ATL2: variants seen among roughly 807,000 people sequenced by gnomAD.
The protein encoded by ATL2 is atlastin GTPase 2.
In ATL2, 31 loss-of-function variants were observed where a neutral mutation model predicts 73.9. The observed-to-expected ratio is 0.42, with a 90% CI of 0.32 to 0.57. ATL2 has a LOEUF of 0.57. ATL2 is among the 20% of genes least tolerant of loss of function. The pLI is 0.14. For synonymous variants in ATL2, 291 were observed against 237.5 expected (o/e 1.23, Z -2.07); for missense variants, 738 against 702.6 (o/e 1.05, Z -0.57).
In ATL2 at chr2:38,333,383, TAA is replaced by T. The variant is rs76025416; in HGVS notation, c.363+9883_363+9884del. 6.0e-5 allele frequency among the ~76,000 whole-genome samples: 9 copies of T among 151,184 alleles called. No homozygotes were observed. The East Asian group carries it at 1.7e-3, about 29-fold the overall frequency. ...GAAGGAGGTAGGGAGTTAATTACCT[TAA>T]AAAAAAAGTCTCCTCCAAAAACAGT... On this transcript the variant is annotated intron_variant, in intron 2 of 12. Coordinates refer to ENST00000378954, the MANE Select transcript of ATL2 (RefSeq NM_001135673.4).
At chr2:38,301,584 A>G (rs2148405489) in intron 9 of ATL2, among the ~76,000 whole-genome samples, 1 of 152,306 alleles carries the variant, frequency 6.6e-6, no homozygotes, top group South Asian at 2.1e-4. Context: ...GGAAGTCGAA[A>G]GCAGTGACTG....
In ATL2 at chr2:38,303,470, G is replaced by A; in HGVS notation, c.1072-3142C>T. Among the ~76,000 whole-genome samples the A allele has an allele frequency of 1.3e-5, 2 of 152,018 alleles. 1 individual carries two copies. Among genetic ancestry groups the A allele is most frequent in the South Asian group, 4.1e-4 (2 of 4,830 alleles). On this transcript the variant is annotated intron_variant, in intron 9 of 12. Transcript: ENST00000378954. ...GCCTCCCAAAGTGCTAGGATTACAG[G>A]CATGAGCCACCTCACCCAGCCTCAG...
At chr2:38,317,580 T>C (rs1668093109) in intron 4 of ATL2, among the ~76,000 whole-genome samples, 1 of 152,218 alleles carries the variant, frequency 6.6e-6, no homozygotes, top group Non-Finnish European at 1.5e-5. Flanking sequence ...CTGGGTTTCC[T>C]AAATTAAACA....
intron 9 of ATL2, among the ~76,000 whole-genome samples, chr2:38,303,064 AAATTCAAGATAACACAGAGAAGG>A (rs1667267890): frequency 6.6e-6 from 1 of 152,150 alleles, no homozygotes. Flanking sequence ...AAACTCAAAG[AAATTCAAGATAACACAGAGAAGG>A]AATTCAGAAT....
chr2:38,323,014 T>G (rs1204392338), intron 2 of ATL2, among the ~76,000 whole-genome samples: 3 of 152,260 alleles, frequency 2.0e-5, no homozygotes, highest in Non-Finnish European at 2.9e-5. Context: ...ATTCATTCAT[T>G]AAATATTTGT....
At chr2:38,296,259 C>G in intron 12 of ATL2, 146 bp from the exon 13 acceptor site, 1 of 1,433,998 alleles carries the variant, frequency 7.0e-7, no homozygotes, top group East Asian at 2.5e-5. Context: ...CTCAAAAAAA[C>G]TTATGATGCT....
intron 1 of ATL2, among the ~76,000 whole-genome samples, chr2:38,370,771 GAAACA>G (rs756296803): frequency 2.0e-5 from 3 of 150,502 alleles, no homozygotes; most frequent in Non-Finnish European, 3.0e-5. Context: ...ATCTCAAAAC[GAAACA>G]AAACAAAACA....
chr2:38,298,188 T>C lies in ATL2; in HGVS notation c.1588A>G (p.Ile530Val). The C allele has an allele frequency of 6.2e-7, 1 of 1,613,936 alleles. No homozygotes were observed. The highest frequency in any genetic ancestry group is 8.5e-7 in the Non-Finnish European group (1 of 1,179,936). The change falls in exon 12 of 13, where the codon ATT (isoleucine) becomes GTT (valine). Residue 530 changes from isoleucine to valine, a missense_variant. Transcript: ENST00000378954. ...YVKYSGEFRE[I>V]GTVIDQIAET... ...GCAATCTGATCAATCACTGTTCCAATTTCTCTGAACTCCCCAGAGTATTTA... is the reference window on the plus strand; with the variant it reads ...GCAATCTGATCAATCACTGTTCCAACTTCTCTGAACTCCCCAGAGTATTTA...
intron 2 of ATL2, among the ~76,000 whole-genome samples, chr2:38,335,971 G>A (rs1359234119): frequency 2.0e-5 from 3 of 152,144 alleles, no homozygotes; most frequent in Admixed American, 6.6e-5. Context: ...AGCTTGCAGT[G>A]AGCCACTGCA....
chr2:38,345,569 A>T (rs1669971473), intron 1 of ATL2, among the ~76,000 whole-genome samples: 1 of 152,210 alleles, frequency 6.6e-6, no homozygotes. Flanking sequence ...AGTAAAAGCA[A>T]TCAATATTTA....
chr2:38,363,475 C>CA (rs1243570876), intron 1 of ATL2, among the ~76,000 whole-genome samples: 1 of 151,922 alleles, frequency 6.6e-6, no homozygotes, highest in African/African-American at 2.4e-5. Context: ...AAATCATTTA[C>CA]ACAGTCTCCC....
intron 1 of ATL2, among the ~76,000 whole-genome samples, chr2:38,366,708 A>C (rs928179580): frequency 6.6e-6 from 1 of 152,228 alleles, no homozygotes; most frequent in Non-Finnish European, 1.5e-5. Context: ...TAAAGTCTCT[A>C]TGATCTACGT....
At chr2:38,348,540 C>T (rs1469187744) in intron 1 of ATL2, among the ~76,000 whole-genome samples, 2 of 151,508 alleles carry the variant, frequency 1.3e-5, no homozygotes, top group African/African-American at 4.9e-5. Context: ...TAAAATATCA[C>T]AATGACCAAG....
intron 2 of ATL2, among the ~76,000 whole-genome samples, chr2:38,332,970 T>C (rs553472063): frequency 6.7e-4 from 102 of 152,242 alleles, no homozygotes; most frequent in African/African-American, 1.6e-3. Context: ...GGCAGGAGGA[T>C]TGCTTGAGAC....
At chr2:38,376,977 G>T (rs950880285) in intron 1 of ATL2, among the ~76,000 whole-genome samples, 166 bp downstream of exon 1, 13 of 151,228 alleles carry the variant, frequency 8.6e-5, no homozygotes, top group African/African-American at 3.1e-4. Flanking sequence ...CTGCGGGAGC[G>T]CGGGGCGCGG....
chr2:38,325,699 TACACACACACACACAC>T (rs1221635411), intron 2 of ATL2, among the ~76,000 whole-genome samples: 59 of 11,296 alleles, frequency 5.2e-3, no homozygotes, highest in South Asian at 0.01. Flanking sequence ...CACACACCAG[TACACACACACACACAC>T]ACACACACAC....
chr2:38,377,931 C>G (rs1217894985), upstream of ATL2, among the ~76,000 whole-genome samples: 1 of 152,142 alleles, frequency 6.6e-6, no homozygotes, highest in African/African-American at 2.4e-5. Context: ...ATCTTCTCAA[C>G]TGTGTATACC....
chr2:38,359,232 G>T (rs993091018), intron 1 of ATL2, among the ~76,000 whole-genome samples: 3 of 152,142 alleles, frequency 2.0e-5, no homozygotes, highest in Non-Finnish European at 4.4e-5. Flanking sequence ...CACTTTGGGA[G>T]GCCGAGGTGG....
chr2:38,376,114 A>T (rs1671945811), intron 1 of ATL2: 1 of 1,513,252 alleles, frequency 6.6e-7, no homozygotes, highest in South Asian at 1.2e-5. Context: ...GGCCGTACTT[A>T]CCAAATCGTA....
Sources: allele counts gnomAD v4.1 joint callset (sites outside exome capture counted in the v4.1 genomes callset), GRCh38; gene constraint gnomAD v4.1.1; transcripts MANE v1.5; gene names NCBI Gene and HGNC (gene_info 2026-07-23, HGNC 2026-07-21).